Variants in C20orf202 observed in about 807,000 individuals in gnomAD.
C20orf202 encodes chromosome 20 open reading frame 202, also known as uncharacterized protein C20orf202.
A neutral mutation model predicts 5.3 loss-of-function variants in C20orf202; 5 were observed. The ratio of observed to expected loss-of-function variants is 0.94; its 90% CI spans 0.49 to 1.98. The LOEUF (loss-of-function observed/expected upper bound fraction) is 1.98. Ranked by LOEUF, C20orf202 falls within the 30% of genes most tolerant of loss-of-function variation. The probability of loss-of-function intolerance (pLI) is 0.01; values close to 1 mark genes in which losing one functional copy is unlikely to be tolerated. For missense variants in C20orf202, 135 were observed against 123.5 expected, an observed-to-expected ratio of 1.09 and a Z score of -0.44; for synonymous variants, 48 against 50.0, an observed-to-expected ratio of 0.96 and a Z score of 0.16.
intron 1 of C20orf202, among the ~76,000 whole-genome samples, chr20:1,205,985 C>T (rs1009840367): frequency 6.6e-5 from 10 of 151,522 alleles, no homozygotes; most frequent in African/African-American, 1.5e-4. Context: ...CCCAGGAGCT[C>T]GAGGCTGCAG....
intron 1 of C20orf202, among the ~76,000 whole-genome samples, chr20:1,204,372 T>C (rs1030913652): frequency 6.6e-6 from 1 of 152,104 alleles, no homozygotes; most frequent in East Asian, 1.9e-4. Flanking sequence ...GAACTGCACA[T>C]TGGGGGAGAG....
intron 1 of C20orf202, among the ~76,000 whole-genome samples, chr20:1,204,254 A>G (rs192930058): frequency 1.1e-3 from 167 of 152,236 alleles, no homozygotes; most frequent in African/African-American, 3.8e-3. Context: ...TATGCCAGGC[A>G]ATTACGCCAG....
In C20orf202 at chr20:1,206,961, G is replaced by A. The variant is rs1414560063; in HGVS notation, c.159G>A (p.Trp53Ter). 2 of 1,551,604 alleles carry A rather than the reference G, an allele frequency of 1.3e-6. No individual in the cohort carries two copies. The highest frequency in any genetic ancestry group is 1.7e-6 in the Non-Finnish European group (2 of 1,146,954). Reference sequence around the variant, plus strand: ...AGCTGCGTGCGGACAGCGCCCACTGGGAGGACGCCAGGTCCAGCGGAGGGA... The same window carrying A: ...AGCTGCGTGCGGACAGCGCCCACTGAGAGGACGCCAGGTCCAGCGGAGGGA... ...LEELRADSAH[W>*]EDARSSGGTS... The change falls in exon 2 of 2, where the codon TGG becomes TGA. Residue 53 changes from tryptophan (W) to a stop codon, truncating the protein, a stop_gained. Transcript: ENST00000400633. LOFTEE classifies it low-confidence loss of function (END_TRUNC).
At position 1,207,704 on chromosome 20, in the gene C20orf202, C is replaced by A. The variant is rs1448484182; in HGVS notation, c.*602C>A. Reference sequence around the variant, plus strand: ...ACCAACAGAGCCAGTCACCGACCTTCCCTGAGATTGCTACCTGGAAGCTCT... The same window carrying A: ...ACCAACAGAGCCAGTCACCGACCTTACCTGAGATTGCTACCTGGAAGCTCT... On this transcript the variant is annotated 3_prime_UTR_variant, in exon 2 of 2. Coordinates refer to ENST00000400633, the MANE Select transcript of C20orf202 (RefSeq NM_001394958.1). 1 of 152,230 alleles carries A rather than the reference C, an allele frequency of 6.6e-6. No individual in the cohort carries two copies. Among genetic ancestry groups the A allele is most frequent in the African/African-American group, 2.4e-5 (1 of 41,458 alleles). 9.4% of individuals were successfully genotyped at this position (152,230 alleles called of 1,614,324 possible).
At position 1,203,538 on chromosome 20, in the gene C20orf202, C is replaced by G. The variant is rs973174047; in HGVS notation, c.-48C>G. 6.5e-7 allele frequency: 1 copy of G among 1,549,944 alleles called. No individual in the cohort carries two copies. The highest frequency in any genetic ancestry group is 1.4e-5 in the African/African-American group (1 of 72,960). On this transcript the variant is annotated 5_prime_UTR_variant, in exon 1 of 2. Transcript: ENST00000400633. ...GGGAATGTACAAGTCAAAGATCCCT[C>G]GGGCCCAGAACCAGGTCAGTGTCAA...
intron 1 of C20orf202, among the ~76,000 whole-genome samples, chr20:1,204,703 T>G (rs1482496413): frequency 6.6e-6 from 1 of 152,214 alleles, no homozygotes; most frequent in Non-Finnish European, 1.5e-5. Context: ...ATGACCTTTC[T>G]GGGTTGCCAG....
At position 1,203,492 on chromosome 20, in the gene C20orf202, C is replaced by T. The variant is rs1460611141; in HGVS notation, c.-94C>T. 1.3e-6 allele frequency: 2 copies of T among 1,525,676 alleles called. No individual in the cohort carries two copies. The highest frequency in any genetic ancestry group is 1.7e-4 in the Middle Eastern group (1 of 5,876). 94.5% of individuals were successfully genotyped at this position (1,525,676 alleles called of 1,614,324 possible). ...TCTTCAGTGATTTGGCCAGAACCTG[C>T]TGCCAGTCTGAAAGAGTTGGGGGAA... On this transcript the variant is annotated 5_prime_UTR_variant, in exon 1 of 2. Transcript: ENST00000400633.
chr20:1,205,106 CTTTTT>C (rs55977318), intron 1 of C20orf202, among the ~76,000 whole-genome samples: 1 of 134,264 alleles, frequency 7.4e-6, no homozygotes, highest in Non-Finnish European at 1.6e-5. Flanking sequence ...CACGTCTTTC[CTTTTT>C]TTTTTTTTTT....
intron 1 of C20orf202, among the ~76,000 whole-genome samples, chr20:1,205,731 C>T (rs1048376215): frequency 6.6e-6 from 1 of 152,094 alleles, no homozygotes; most frequent in Admixed American, 6.6e-5. Flanking sequence ...AATATATGTC[C>T]TTTTGTAGCT....
intron 1 of C20orf202, among the ~76,000 whole-genome samples, 162 bp downstream of exon 1, chr20:1,203,813 C>G (rs78687372): frequency 6.6e-6 from 1 of 152,130 alleles, no homozygotes; most frequent in African/African-American, 2.4e-5. Context: ...ATTGTGATCT[C>G]AGGTTCAGGG....
At chr20:1,206,848 C>A in intron 1 of C20orf202, 21 bp from the exon 2 acceptor site, 1 of 1,474,260 alleles carries the variant, frequency 6.8e-7, no homozygotes, top group Non-Finnish European at 9.2e-7. Flanking sequence ...CATCCCCTCA[C>A]AGGCTCCTTC....
At chr20:1,205,909 C>T (rs948376388) in intron 1 of C20orf202, among the ~76,000 whole-genome samples, 2 of 151,862 alleles carry the variant, frequency 1.3e-5, no homozygotes, top group African/African-American at 4.8e-5. Context: ...AAAAAATAGC[C>T]GGGCATGGTG....
chr20:1,205,184 C>T (rs2087126560), intron 1 of C20orf202, among the ~76,000 whole-genome samples: 1 of 150,888 alleles, frequency 6.6e-6, no homozygotes, highest in Admixed American at 6.6e-5. Flanking sequence ...CGGCTCACTA[C>T]AACCTCCGCC....
At chr20:1,205,514 A>C (rs1035496385) in intron 1 of C20orf202, among the ~76,000 whole-genome samples, 1 of 152,212 alleles carries the variant, frequency 6.6e-6, no homozygotes, top group Non-Finnish European at 1.5e-5. Flanking sequence ...CACAAAAATG[A>C]AAACACTATT....
In C20orf202 at chr20:1,203,494, G is replaced by A. The variant is rs2087118574; in HGVS notation, c.-92G>A. ...TTCAGTGATTTGGCCAGAACCTGCT[G>A]CCAGTCTGAAAGAGTTGGGGGAATG... On this transcript the variant is annotated 5_prime_UTR_variant, in exon 1 of 2. Coordinates refer to ENST00000400633, the MANE Select transcript of C20orf202 (RefSeq NM_001394958.1). The A allele has an allele frequency of 6.5e-7, 1 of 1,527,428 alleles. No homozygotes were observed. Among genetic ancestry groups the A allele is most frequent in the Admixed American group, 2.1e-5 (1 of 46,808 alleles). The allele number at this position is 1,527,428 out of a possible 1,614,324, so 94.6% of individuals were successfully genotyped here. A position where few individuals can be genotyped will look rare whatever the true frequency, so the allele number is the denominator to read the frequency against.
In C20orf202 at chr20:1,208,837, A is replaced by G. The variant is rs1439797285; in HGVS notation, c.*1735A>G. 1.3e-5 allele frequency among the ~76,000 whole-genome samples: 2 copies of G among 152,006 alleles called. No homozygotes were observed. The highest frequency in any genetic ancestry group is 6.6e-5 in the Admixed American group (1 of 15,266). ...CTGGCCCTTTCCTGAGCTCAGAGAC[A>G]CCAGCCCCAGCTGAGCTGAGTTCCT... On this transcript the variant is annotated 3_prime_UTR_variant, in exon 2 of 2. Transcript: ENST00000400633.
Position 1,207,070 on chromosome 20 carries a change from G to A in C20orf202, c.268G>A (p.Gly90Arg), listed in dbSNP as rs957069521. 1.3e-6 allele frequency: 2 copies of A among 1,523,534 alleles called. No homozygotes were observed. The highest frequency in any genetic ancestry group is 1.8e-6 in the Non-Finnish European group (2 of 1,128,754). 94.4% of individuals were successfully genotyped at this position (1,523,534 alleles called of 1,614,324 possible). A position where few individuals can be genotyped will look rare whatever the true frequency, so the allele number is the denominator to read the frequency against. Residue 90 changes from glycine to arginine, a missense_variant, in exon 2 of 2, where the codon GGG becomes AGG. Gly to Arg is a moderately radical substitution (Grantham distance 125, BLOSUM62 -2). Coordinates refer to ENST00000400633, the MANE Select transcript of C20orf202 (RefSeq NM_001394958.1). Reference protein sequence around the residue: ...CSRGLAQLLRGEDSRRSSLP With the variant: ...CSRGLAQLLRREDSRRSSLP ...AAGGGGTCTGGCCCAGCTCCTCCGAGGGGAAGACAGCAGACGAAGCTCTCT... is the reference window on the plus strand; with the variant it reads ...AAGGGGTCTGGCCCAGCTCCTCCGAAGGGAAGACAGCAGACGAAGCTCTCT...
At chr20:1,205,365 C>T (rs1432763740) in intron 1 of C20orf202, among the ~76,000 whole-genome samples, 1 of 152,186 alleles carries the variant, frequency 6.6e-6, no homozygotes, top group African/African-American at 2.4e-5. Context: ...ACCTCGGCCT[C>T]TCAAAGTGCT....
chr20:1,207,375 C>G lies in C20orf202; in HGVS notation c.*273C>G, dbSNP rs1032930939. 3.9e-5 allele frequency: 13 copies of G among 332,596 alleles called. No homozygotes were observed. The highest frequency in any genetic ancestry group is 8.4e-5 in the African/African-American group (4 of 47,890). The allele number at this position is 332,596 out of a possible 1,614,324, so 20.6% of individuals were successfully genotyped here. On this transcript the variant is annotated 3_prime_UTR_variant, in exon 2 of 2. Transcript: ENST00000400633. The stretch of plus-strand genomic sequence containing the variant: ...GAAAACACAAATGTGCTCTAGTGCT[C>G]TGGCAAGCACCATGGCAGTAACCCT...
Sources: gnomAD v4.1 joint callset for allele counts (sites outside exome capture counted in the v4.1 genomes callset) on GRCh38, gnomAD v4.1.1 for gene constraint, MANE v1.5 for transcripts, NCBI Gene and HGNC (gene_info 2026-07-23, HGNC 2026-07-21) for gene names.